Variants in ZNF407 observed in about 807,000 individuals in gnomAD.
ZNF407 encodes zinc finger protein 407.
In ZNF407, 17 loss-of-function variants were observed where a neutral mutation model predicts 131.2. The observed-to-expected ratio is 0.13, with a 90% CI of 0.09 to 0.19. The LOEUF (loss-of-function observed/expected upper bound fraction) is 0.19, where lower values mean the gene tolerates loss of function less well. Ranked by LOEUF, ZNF407 falls within the 10% of genes least tolerant of loss-of-function variation. The probability of loss-of-function intolerance (pLI) is 1.00; values close to 1 mark genes in which losing one functional copy is unlikely to be tolerated. For missense variants in ZNF407, 2,681 were observed against 2,830.6 expected (o/e 0.95, Z 1.20); for synonymous variants, 1,156 against 1,062.0 (o/e 1.09, Z -1.72).
intron 3 of ZNF407, among the ~76,000 whole-genome samples, chr18:74,712,609 G>T (rs1967792386): frequency 6.6e-6 from 1 of 152,350 alleles, no homozygotes; most frequent in Admixed American, 6.5e-5. Context: ...TCTCCCTGGA[G>T]GCAGGGAGGC....
At chr18:74,924,971 A>C (rs1247901502) in intron 8 of ZNF407, among the ~76,000 whole-genome samples, 1 of 152,222 alleles carries the variant, frequency 6.6e-6, no homozygotes, top group Non-Finnish European at 1.5e-5. Flanking sequence ...CATCAAAGCT[A>C]TGAAGTTGAT....
intron 8 of ZNF407, among the ~76,000 whole-genome samples, chr18:74,981,623 G>C (rs1972594205): frequency 6.6e-6 from 1 of 152,260 alleles, no homozygotes; most frequent in African/African-American, 2.4e-5. Context: ...GTCCCGAAAG[G>C]CTTCCTACGG....
chr18:74,685,200 AT>A (rs1214651033), intron 3 of ZNF407, among the ~76,000 whole-genome samples: 2 of 151,800 alleles, frequency 1.3e-5, no homozygotes, highest in Admixed American at 6.6e-5. Flanking sequence ...TTAATTGTCT[AT>A]TTTTTTTCAG....
At chr18:74,901,686 C>CATG (rs5826355) in intron 7 of ZNF407, among the ~76,000 whole-genome samples, 148,745 of 152,218 alleles carry the variant, frequency 0.98, 72,777 homozygotes, top group East Asian at 1. Flanking sequence ...TTTTTAATTG[C>CATG]TTCCTTCCAA....
intron 8 of ZNF407, among the ~76,000 whole-genome samples, chr18:74,945,310 G>A (rs967323317): frequency 4.6e-5 from 7 of 152,174 alleles, no homozygotes; most frequent in African/African-American, 1.4e-4. Context: ...AGACTGGATT[G>A]CCGTGTGTCC....
chr18:74,823,059 C>T (rs956628279), intron 4 of ZNF407, among the ~76,000 whole-genome samples: 1 of 152,166 alleles, frequency 6.6e-6, no homozygotes, highest in Non-Finnish European at 1.5e-5. Context: ...CATGATTTGG[C>T]TCTCCATTTG....
intron 3 of ZNF407, among the ~76,000 whole-genome samples, chr18:74,779,103 A>ATTTTTTTTTT (rs1969538914): frequency 3.7e-5 from 1 of 26,910 alleles, no homozygotes; most frequent in African/African-American, 1.0e-4. Flanking sequence ...ATATATATAT[A>ATTTTTTTTTT]TATATATTTT....
At chr18:74,931,848 A>G (rs1019714851) in intron 8 of ZNF407, among the ~76,000 whole-genome samples, 8 of 152,196 alleles carry the variant, frequency 5.3e-5, no homozygotes, top group African/African-American at 1.9e-4. Context: ...TTCTTTGATG[A>G]AGTGTCTTTT....
Position 74,866,519 on chromosome 18 carries a change from T to G in ZNF407, c.4878-10678T>G, listed in dbSNP as rs142564068. On this transcript the variant is annotated intron_variant, in intron 4 of 8. Transcript: ENST00000299687. ...CACCATCAGAGAGGACAGTCCATTC[T>G]AAATCTAGCATATGTACTCAAATTT... is the stretch of plus-strand genomic sequence containing the variant. Among the ~76,000 whole-genome samples, 147 of 152,308 alleles carry G rather than the reference T, an allele frequency of 9.7e-4. 1 individual carries two copies. The South Asian group carries it at 0.015, about 16-fold the overall frequency.
At chr18:74,614,874 C>G (rs138805431) in intron 1 of ZNF407, among the ~76,000 whole-genome samples, 18 of 152,308 alleles carry the variant, frequency 1.2e-4, no homozygotes, top group Non-Finnish European at 2.4e-4. Context: ...GAATGACAAG[C>G]AACATGATCA....
chr18:74,677,501 C>G (rs1028950416), intron 3 of ZNF407, among the ~76,000 whole-genome samples: 1 of 152,092 alleles, frequency 6.6e-6, no homozygotes, highest in Non-Finnish European at 1.5e-5. Flanking sequence ...GAGTTTATCT[C>G]ATGTTTTATA....
At chr18:74,686,147 C>G (rs1434587322) in intron 3 of ZNF407, among the ~76,000 whole-genome samples, 1 of 152,232 alleles carries the variant, frequency 6.6e-6, no homozygotes, top group Non-Finnish European at 1.5e-5. Flanking sequence ...TGCTTTCTTT[C>G]ACTTTGGGTT....
chr18:75,018,656 A>G (rs1973072719), intron 8 of ZNF407, among the ~76,000 whole-genome samples: 1 of 152,116 alleles, frequency 6.6e-6, no homozygotes, highest in African/African-American at 2.4e-5. Context: ...CAAATCAAGA[A>G]AAAATCTGAA....
At chr18:74,999,255 A>G (rs1489204123) in intron 8 of ZNF407, among the ~76,000 whole-genome samples, 3 of 105,200 alleles carry the variant, frequency 2.9e-5, no homozygotes, top group African/African-American at 1.1e-4. Flanking sequence ...GCTAGATGAC[A>G]CATTAGTGGG....
chr18:74,637,415 A>G (rs1984512035), intron 2 of ZNF407, among the ~76,000 whole-genome samples: 1 of 152,192 alleles, frequency 6.6e-6, no homozygotes, highest in African/African-American at 2.4e-5. Context: ...TGTGAAAGTG[A>G]GGTAACTATC....
chr18:74,711,988 G>A (rs941049419), intron 3 of ZNF407, among the ~76,000 whole-genome samples: 5 of 152,200 alleles, frequency 3.3e-5, no homozygotes, highest in Non-Finnish European at 5.9e-5. Flanking sequence ...GGGATTACAG[G>A]CGTGAGCCAC....
chr18:74,858,791 G>A (rs1970895970), intron 4 of ZNF407, among the ~76,000 whole-genome samples: 2 of 152,114 alleles, frequency 1.3e-5, no homozygotes, highest in South Asian at 4.1e-4. Flanking sequence ...ATAATGTTGA[G>A]CATGTGCTTC....
chr18:74,990,595 T>C (rs1214884252), intron 8 of ZNF407, among the ~76,000 whole-genome samples: 4 of 152,242 alleles, frequency 2.6e-5, no homozygotes, highest in Non-Finnish European at 4.4e-5. Flanking sequence ...TCATACACAA[T>C]GTAAAATGCT....
At chr18:74,999,374 A>AAAAAAAAACC (rs1568296646) in intron 8 of ZNF407, among the ~76,000 whole-genome samples, 16 of 143,486 alleles carry the variant, frequency 1.1e-4, no homozygotes, top group African/African-American at 3.9e-4. Context: ...AAAAAAAAAA[A>AAAAAAAAACC]ACAAAGGTAA....
Sources: allele counts gnomAD v4.1 joint callset (sites outside exome capture counted in the v4.1 genomes callset), GRCh38; gene constraint gnomAD v4.1.1; transcripts MANE v1.5; gene names NCBI Gene and HGNC (gene_info 2026-07-23, HGNC 2026-07-21).